GFRA1: variants seen among roughly 807,000 people sequenced by gnomAD.
The protein encoded by GFRA1 is GDNF family receptor alpha 1.
In GFRA1, 16 loss-of-function variants were observed where a neutral mutation model predicts 51.6. That is an observed-to-expected ratio of 0.31 (90% CI 0.21 to 0.47). The LOEUF (loss-of-function observed/expected upper bound fraction) is 0.47, where lower values mean the gene tolerates loss of function less well. GFRA1 is among the 20% of genes least tolerant of loss of function. The probability of loss-of-function intolerance (pLI) is 1.00; values close to 1 mark genes in which losing one functional copy is unlikely to be tolerated. For synonymous variants in GFRA1, 270 were observed against 241.3 expected (o/e 1.12, Z -1.10); for missense variants, 530 against 594.3 (o/e 0.89, Z 1.13).
chr10:116,215,710 C>T (rs1000098074), intron 4 of GFRA1, among the ~76,000 whole-genome samples: 2 of 152,176 alleles, frequency 1.3e-5, no homozygotes, highest in African/African-American at 2.4e-5. Flanking sequence ...TTGCCAGTGG[C>T]CGCTCTAGCC....
At chr10:116,195,656 C>G (rs1344273874) in intron 5 of GFRA1, among the ~76,000 whole-genome samples, 1 of 152,196 alleles carries the variant, frequency 6.6e-6, no homozygotes, top group Non-Finnish European at 1.5e-5. Context: ...GGCCATGGAC[C>G]AGTACCAGTC....
chr10:116,257,543 C>T (rs545977202), intron 4 of GFRA1, among the ~76,000 whole-genome samples: 3 of 152,262 alleles, frequency 2.0e-5, no homozygotes, highest in African/African-American at 7.2e-5. Context: ...CACAGTGCTC[C>T]TGGGCTCATT....
intron 4 of GFRA1, among the ~76,000 whole-genome samples, chr10:116,237,849 C>T (rs1248347616): frequency 6.6e-6 from 1 of 152,156 alleles, no homozygotes; most frequent in Admixed American, 6.5e-5. Context: ...AAGCTCTGCA[C>T]AAAAAGGTCA....
intron 5 of GFRA1, among the ~76,000 whole-genome samples, chr10:116,136,710 G>A (rs1477510626): frequency 6.6e-6 from 1 of 152,172 alleles, no homozygotes; most frequent in Non-Finnish European, 1.5e-5. Context: ...GGCTGCCAGT[G>A]CTTGGGACAT....
chr10:116,101,860 T>C (rs769791045), intron 6 of GFRA1, among the ~76,000 whole-genome samples: 2 of 152,194 alleles, frequency 1.3e-5, no homozygotes, highest in African/African-American at 2.4e-5. Flanking sequence ...CTGAGTGCGT[T>C]GCTTCATGTT....
intron 4 of GFRA1, among the ~76,000 whole-genome samples, chr10:116,264,783 T>G (rs1252244729): frequency 6.6e-6 from 1 of 152,154 alleles, no homozygotes; most frequent in East Asian, 1.9e-4. Context: ...AGCAGGGCCT[T>G]CACTGGCCCA....
intron 4 of GFRA1, among the ~76,000 whole-genome samples, chr10:116,218,187 G>A (rs1210826240): frequency 6.6e-6 from 1 of 152,132 alleles, no homozygotes; most frequent in Non-Finnish European, 1.5e-5. Context: ...CTTTGTTTCG[G>A]GTACCACTCA....
At chr10:116,101,584 A>G (rs1956816621) in intron 6 of GFRA1, among the ~76,000 whole-genome samples, 1 of 152,198 alleles carries the variant, frequency 6.6e-6, no homozygotes, top group African/African-American at 2.4e-5. Context: ...TGTCTCAAAC[A>G]GCAGATGGTC....
chr10:116,083,924 C>T (rs542639807), intron 9 of GFRA1, among the ~76,000 whole-genome samples: 1 of 152,306 alleles, frequency 6.6e-6, no homozygotes, highest in East Asian at 1.9e-4. Flanking sequence ...AAACATTAGG[C>T]TGCATCCTAC....
chr10:116,127,561 A>T (rs1044195042), intron 5 of GFRA1, among the ~76,000 whole-genome samples: 2 of 152,228 alleles, frequency 1.3e-5, no homozygotes, highest in Non-Finnish European at 2.9e-5. Context: ...TGGCAGCTGC[A>T]CATCCATCCC....
At chr10:116,086,693 A>G (rs1246697753) in intron 9 of GFRA1, among the ~76,000 whole-genome samples, 1 of 152,210 alleles carries the variant, frequency 6.6e-6, no homozygotes, top group African/African-American at 2.4e-5. Context: ...GAGACTGTGC[A>G]TATCACAGGG....
At position 116,093,856 on chromosome 10, in the gene GFRA1, G is replaced by A. The variant is rs758429451; in HGVS notation, c.881-20C>T. 2.5e-6 allele frequency: 4 copies of A among 1,612,398 alleles called. No homozygotes were observed. The East Asian group carries it at 8.9e-5, about 36-fold the overall frequency. ...CTGTGCCTAAAAGAATAAAAACAAG[G>A]CATTTTATTGTTGTATGATGATACT... On this transcript the variant is annotated intron_variant, in intron 7 of 10. Transcript: ENST00000355422.
At chr10:116,068,065 T>C (rs1459783725) in intron 9 of GFRA1, among the ~76,000 whole-genome samples, 4 of 152,198 alleles carry the variant, frequency 2.6e-5, no homozygotes, top group South Asian at 2.1e-4. Flanking sequence ...ACCACTCCGA[T>C]TGGCATAACT....
chr10:116,067,377 A>C (rs1012458074), intron 9 of GFRA1, among the ~76,000 whole-genome samples: 1 of 152,204 alleles, frequency 6.6e-6, no homozygotes, highest in Admixed American at 6.5e-5. Flanking sequence ...CCTTTGCATA[A>C]CTAACAAATT....
At chr10:116,116,197 C>T (rs1957405949) in intron 6 of GFRA1, among the ~76,000 whole-genome samples, 3 of 152,178 alleles carry the variant, frequency 2.0e-5, no homozygotes, top group Admixed American at 6.5e-5. Context: ...CAGGTTCAAG[C>T]GATTCTCCTA....
intron 5 of GFRA1, among the ~76,000 whole-genome samples, chr10:116,199,121 C>A (rs1964133238): frequency 6.6e-6 from 1 of 152,134 alleles, no homozygotes; most frequent in Non-Finnish European, 1.5e-5. Flanking sequence ...CCTGCTGACA[C>A]CTTGATTTCA....
At chr10:116,160,352 T>C (rs1355921019) in intron 5 of GFRA1, among the ~76,000 whole-genome samples, 2 of 152,242 alleles carry the variant, frequency 1.3e-5, no homozygotes, top group Admixed American at 6.5e-5. Flanking sequence ...CCCACCAACA[T>C]GACAAAAGAA....
chr10:116,262,233 T>C (rs11197611), intron 4 of GFRA1, among the ~76,000 whole-genome samples: 53,612 of 152,036 alleles, frequency 0.35, 9,574 homozygotes, highest in Non-Finnish European at 0.4. Context: ...TTTATCTCCC[T>C]TCTTCTGTTA....
rs151225109 is a variant in GFRA1, at chr10:116,110,443, G to A, written c.771-13679C>T. Among the ~76,000 whole-genome samples the A allele has an allele frequency of 1.8e-3, 268 of 152,246 alleles. 1 individual carries two copies. Among genetic ancestry groups the A allele is most frequent in the African/African-American group, 5.6e-3 (234 of 41,544 alleles). ...GGGTTCCTGCCCACCAGTAGGAGAG[G>A]ACACTCTCCCTCATGGGTTGGTAAT... On this transcript the variant is annotated intron_variant, in intron 6 of 10. Coordinates refer to ENST00000355422, the MANE Select transcript of GFRA1 (RefSeq NM_005264.8).
Sources: gnomAD v4.1 joint callset for allele counts (sites outside exome capture counted in the v4.1 genomes callset) on GRCh38, gnomAD v4.1.1 for gene constraint, MANE v1.5 for transcripts, NCBI Gene and HGNC (gene_info 2026-07-23, HGNC 2026-07-21) for gene names.